The following SCCPDH variants were observed in gnomAD, a reference collection of about 807,000 sequenced individuals.
The protein encoded by SCCPDH is saccharopine dehydrogenase (putative), also known as saccharopine dehydrogenase-like oxidoreductase.
Under a neutral mutation model 51.5 loss-of-function variants are expected in SCCPDH, and 34 were observed. The ratio of observed to expected loss-of-function variants is 0.66; its 90% CI spans 0.50 to 0.88. The LOEUF (loss-of-function observed/expected upper bound fraction) is 0.88, where lower values mean the gene tolerates loss of function less well. Among genes scored for constraint, SCCPDH ranks in the 40% least tolerant of loss-of-function variants. The pLI is 0.00. For synonymous variants in SCCPDH, 187 were observed against 191.3 expected, an observed-to-expected ratio of 0.98 and a Z score of 0.19; for missense variants, 464 against 527.1, an observed-to-expected ratio of 0.88 and a Z score of 1.17.
chr1:246,726,543 T>C (rs1419986105), intron 1 of SCCPDH, among the ~76,000 whole-genome samples: 1 of 152,194 alleles, frequency 6.6e-6, no homozygotes, highest in Non-Finnish European at 1.5e-5. Context: ...TTTTATGACA[T>C]AAATTTCTTG....
chr1:246,760,404 TA>T (rs1668994684), intron 9 of SCCPDH, among the ~76,000 whole-genome samples, 177 bp downstream of exon 9: 1 of 152,198 alleles, frequency 6.6e-6, no homozygotes, highest in African/African-American at 2.4e-5. Context: ...ATCTCCATTT[TA>T]CACATCAGAG....
At chr1:246,760,911 A>G (rs1401239825) in intron 9 of SCCPDH, among the ~76,000 whole-genome samples, 1 of 152,108 alleles carries the variant, frequency 6.6e-6, no homozygotes, top group Non-Finnish European at 1.5e-5. Flanking sequence ...GGCTTTCTTC[A>G]AAATCTACCC....
At chr1:246,735,898 T>A (rs1419603584) in intron 2 of SCCPDH, 77 bp from the exon 3 acceptor site, 8 of 931,970 alleles carry the variant, frequency 8.6e-6, no homozygotes, top group Non-Finnish European at 1.4e-5. Context: ...GACTGTTTAC[T>A]TCCAGGATTA....
At chr1:246,727,898 T>C (rs1022552039) in intron 2 of SCCPDH, among the ~76,000 whole-genome samples, 2 of 152,128 alleles carry the variant, frequency 1.3e-5, no homozygotes, top group East Asian at 1.9e-4. Flanking sequence ...GGATTTTTTT[T>C]CCAGGTGTGA....
chr1:246,754,611 C>T lies in SCCPDH; in HGVS notation c.565-3615C>T, dbSNP rs150540020. Among the ~76,000 whole-genome samples, 865 of 152,298 alleles carry T rather than the reference C, an allele frequency of 5.7e-3. 5 individuals carry two copies. Among genetic ancestry groups the T allele is most frequent in the African/African-American group, 0.019 (803 of 41,564 alleles). On this transcript the variant is annotated intron_variant, in intron 5 of 11. Coordinates refer to ENST00000366510, the MANE Select transcript of SCCPDH (RefSeq NM_016002.3). ...TCACGTCTCCAGCAGTCGAGCTCCG[C>T]GAGTGAGCAATTCCTGTCCCTTTTA...
In SCCPDH at chr1:246,740,201, T is replaced by C. The variant is rs754857241; in HGVS notation, c.414T>C (p.His138=). 1.9e-6 allele frequency: 3 copies of C among 1,603,272 alleles called. No individual in the cohort carries two copies. Among genetic ancestry groups the C allele is most frequent in the African/African-American group, 1.3e-5 (1 of 74,764 alleles). Residue 138 remains histidine (H), a synonymous_variant, in exon 4 of 12, where the codon CAT becomes CAC. Transcript: ENST00000366510. ...TGGAACTAATGCAACTGAAGTATCA[T>C]GAGAAAGCTGCAGACAAAGGGGTTT... ...QFLELMQLKY[H]EKAADKGVYI... is the part of the protein sequence containing the mutation.
intron 1 of SCCPDH, among the ~76,000 whole-genome samples, chr1:246,725,553 T>C (rs1668383555): frequency 6.6e-6 from 1 of 152,194 alleles, no homozygotes; most frequent in Non-Finnish European, 1.5e-5. Flanking sequence ...TTCTGTTTAA[T>C]CTACTTTCAT....
At chr1:246,758,871 C>T (rs1668971601) in intron 6 of SCCPDH, among the ~76,000 whole-genome samples, 163 bp from the exon 7 acceptor site, 1 of 151,532 alleles carries the variant, frequency 6.6e-6, no homozygotes, top group African/African-American at 2.4e-5. Flanking sequence ...CCAAGTTGGT[C>T]TCAAAGTCCT....
intron 3 of SCCPDH, among the ~76,000 whole-genome samples, chr1:246,737,535 T>C (rs1668613661): frequency 6.6e-6 from 1 of 151,798 alleles, no homozygotes; most frequent in East Asian, 1.9e-4. Flanking sequence ...ACCCAGAACA[T>C]AGAAAATGGT....
At chr1:246,759,353 T>C (rs1668979730) in intron 7 of SCCPDH, among the ~76,000 whole-genome samples, 1 of 152,246 alleles carries the variant, frequency 6.6e-6, no homozygotes, top group African/African-American at 2.4e-5. Context: ...GGCTGCTGAA[T>C]ATCTTTTTAA....
At chr1:246,739,230 A>G (rs1226138401) in intron 3 of SCCPDH, among the ~76,000 whole-genome samples, 3 of 152,208 alleles carry the variant, frequency 2.0e-5, no homozygotes, top group Admixed American at 6.5e-5. Context: ...TGTTCAAGTC[A>G]GCATTAACCC....
At chr1:246,729,552 C>T (rs144585974) in intron 2 of SCCPDH, among the ~76,000 whole-genome samples, 1 of 152,214 alleles carries the variant, frequency 6.6e-6, no homozygotes, top group African/African-American at 2.4e-5. Flanking sequence ...TTATGGTTAT[C>T]TCCCTTGTTC....
intron 1 of SCCPDH, 43 bp downstream of exon 1, chr1:246,724,655 C>T (rs1668359980): frequency 2.6e-5 from 37 of 1,411,642 alleles, no homozygotes; most frequent in Non-Finnish European, 3.4e-5. Context: ...GCGGCTGGGC[C>T]GGGGACCCCG....
At chr1:246,729,652 C>G (rs1007277267) in intron 2 of SCCPDH, among the ~76,000 whole-genome samples, 2 of 152,124 alleles carry the variant, frequency 1.3e-5, no homozygotes, top group Non-Finnish European at 2.9e-5. Context: ...GTACGGATAA[C>G]TCAATCATCA....
intron 5 of SCCPDH, among the ~76,000 whole-genome samples, chr1:246,746,404 G>A (rs1377016603): frequency 2.6e-5 from 4 of 152,148 alleles, no homozygotes; most frequent in Non-Finnish European, 4.4e-5. Flanking sequence ...TCAGGTCAAG[G>A]GTCAATCTGT....
intron 2 of SCCPDH, among the ~76,000 whole-genome samples, chr1:246,731,001 A>G (rs1668482829): frequency 6.6e-6 from 1 of 152,226 alleles, no homozygotes; most frequent in Admixed American, 6.5e-5. Flanking sequence ...CGGAGGTTAC[A>G]GTGAGCTGAG....
chr1:246,731,224 T>A (rs555916263), intron 2 of SCCPDH, among the ~76,000 whole-genome samples: 1 of 152,274 alleles, frequency 6.6e-6, no homozygotes, highest in South Asian at 2.1e-4. Context: ...GAGAAAAATC[T>A]AGCAAGTTCA....
intron 5 of SCCPDH, among the ~76,000 whole-genome samples, chr1:246,757,950 T>C (rs978444589): frequency 6.6e-5 from 10 of 151,576 alleles, no homozygotes; most frequent in Admixed American, 1.3e-4. Context: ...TTGAGTAAAA[T>C]TGATGAAGTA....
intron 6 of SCCPDH, among the ~76,000 whole-genome samples, 180 bp from the exon 7 acceptor site, chr1:246,758,850 CTCTT>C (rs1296539768): frequency 6.6e-6 from 1 of 151,832 alleles, no homozygotes; most frequent in East Asian, 1.9e-4. Flanking sequence ...GACAGAGTCT[CTCTT>C]TGTTGCCCAA....
Sources: allele counts gnomAD v4.1 joint callset (sites outside exome capture counted in the v4.1 genomes callset), GRCh38; gene constraint gnomAD v4.1.1; transcripts MANE v1.5; gene names NCBI Gene and HGNC (gene_info 2026-07-23, HGNC 2026-07-21).